The following FHOD1 variants were observed in gnomAD, a reference collection of about 807,000 sequenced individuals.
The protein encoded by FHOD1 is formin homology 2 domain containing 1.
In FHOD1, 89 loss-of-function variants were observed where a neutral mutation model predicts 111.6. That is an observed-to-expected ratio of 0.80 (90% CI 0.67 to 0.95). The LOEUF (loss-of-function observed/expected upper bound fraction) is 0.95, where lower values mean the gene tolerates loss of function less well. Among genes scored for constraint, FHOD1 ranks in the 40% least tolerant of loss-of-function variants. The pLI is 0.00. For missense variants in FHOD1, 1,446 were observed against 1,554.2 expected (o/e 0.93, Z 1.17); for synonymous variants, 618 against 639.0 (o/e 0.97, Z 0.50).
intron 1 of FHOD1, among the ~76,000 whole-genome samples, chr16:67,245,079 T>C (rs2034773333): frequency 6.6e-6 from 1 of 152,194 alleles, no homozygotes. Flanking sequence ...ATAGTTTATA[T>C]TTGGGTTGAG....
At position 67,231,410 on chromosome 16, in the gene FHOD1, CCCCAT is replaced by C; in HGVS notation, c.2505+15_2505+19del. 1 of 1,613,640 alleles carries C rather than the reference CCCCAT, an allele frequency of 6.2e-7. No individual in the cohort carries two copies. Among genetic ancestry groups the C allele is most frequent in the Non-Finnish European group, 8.5e-7 (1 of 1,179,910 alleles). The stretch of plus-strand genomic sequence containing the variant: ...CTCCAGAACCCTGACTCCCCCTAGT[CCCCAT>C]GTACTCTCACTCACCTGGGAGCCAT... On this transcript the variant is annotated intron_variant, in intron 16 of 21. Transcript: ENST00000258201. The surrounding 1 kb of genome is among the most constrained non-coding windows in gnomAD (Gnocchi z 4.3).
At position 67,231,709 on chromosome 16, in the gene FHOD1, A is replaced by G. The variant is rs202207176; in HGVS notation, c.2313T>C (p.Leu771=). Residue 771 remains leucine, a synonymous_variant, in exon 15 of 22, where the codon CTT becomes CTC. Coordinates refer to ENST00000258201, the MANE Select transcript of FHOD1 (RefSeq NM_013241.3). The surrounding 1 kb of genome is among the most constrained non-coding windows in gnomAD (Gnocchi z 4.3). ...LGPAENFLMT[L]ASIGGLAARL... The stretch of plus-strand genomic sequence containing the variant: ...GAGCAGCGAGGCCGCCAATGGAGGC[A>G]AGAGTCATCAGGAAGTTCTCGGCTG... 8.7e-6 allele frequency: 14 copies of G among 1,614,066 alleles called. No individual in the cohort carries two copies. Among genetic ancestry groups the G allele is most frequent in the Non-Finnish European group, 4.2e-6 (5 of 1,180,030 alleles).
chr16:67,229,627 A>G lies in FHOD1; in HGVS notation c.*9T>C. 5 of 1,613,210 alleles carry G rather than the reference A, an allele frequency of 3.1e-6. No individual in the cohort carries two copies. The highest frequency in any genetic ancestry group is 1.7e-4 in the Middle Eastern group (1 of 6,056). ...CAGGGTCCAGATAGATTTCCGGGAT[A>G]CAGCACCTTCACACCTCCAGGCCAG... On this transcript the variant is annotated 3_prime_UTR_variant, in exon 22 of 22. Transcript: ENST00000258201.
rs766111727 is a variant in FHOD1 at position 67,231,178 on chromosome 16, A to G, written c.2667+10T>C. 5.6e-6 allele frequency: 9 copies of G among 1,613,652 alleles called. No individual in the cohort carries two copies. The highest frequency in any genetic ancestry group is 2.2e-5 in the South Asian group (2 of 91,040). On this transcript the variant is annotated intron_variant, in intron 17 of 21. Transcript: ENST00000258201. The surrounding 1 kb of genome is among the most constrained non-coding windows in gnomAD (Gnocchi z 4.3). ...TTGTCCGGCCTTGGTTGATTCTGGC[A>G]GGTGCTAACCTTGGCACAGCGGGTC...
At position 67,237,445 on chromosome 16, in the gene FHOD1, C is replaced by T. The variant is rs1250472423; in HGVS notation, c.849+30G>A. 1 of 1,614,110 alleles carries T rather than the reference C, an allele frequency of 6.2e-7. No individual in the cohort carries two copies. Among genetic ancestry groups the T allele is most frequent in the East Asian group, 2.2e-5 (1 of 44,864 alleles). On this transcript the variant is annotated intron_variant, in intron 8 of 21. Transcript: ENST00000258201. This position sits in a 1 kb window ranked among gnomAD's most constrained non-coding sequence, Gnocchi z 5.6. The stretch of plus-strand genomic sequence containing the variant: ...TGGGGAGGTCAGGAGCCTGAGCATC[C>T]CAGAGCTGGCACCCAGTCCTTGGCC...
At chr16:67,232,905 A>G (rs749151358) in intron 13 of FHOD1, among the ~76,000 whole-genome samples, 17 of 151,156 alleles carry the variant, frequency 1.1e-4, no homozygotes, top group Non-Finnish European at 2.2e-4. Flanking sequence ...TGCAGGCATG[A>G]GCCACCACGC....
At position 67,229,522 on chromosome 16, in the gene FHOD1, C is replaced by T. The variant is rs2034160753; in HGVS notation, c.*114G>A. 8.8e-6 allele frequency: 8 copies of T among 909,888 alleles called. No homozygotes were observed. The highest frequency in any genetic ancestry group is 1.6e-5 in the African/African-American group (1 of 61,614). 56.4% of individuals were successfully genotyped at this position (909,888 alleles called of 1,614,324 possible). A position where few individuals can be genotyped will look rare whatever the true frequency, so the allele number is the denominator to read the frequency against. ...CACACACGGCTAATACTGCTCAAGG[C>T]ATGGCTCCTGGGCACAGAGTTCTGG... On this transcript the variant is annotated 3_prime_UTR_variant, in exon 22 of 22. Transcript: ENST00000258201.
rs766464548 is a variant in FHOD1, at chr16:67,237,284, A to G, written c.948T>C (p.Thr316=). The part of the protein sequence containing the change: ...MEALVQRHLG[T]AGTDVDLRTQ... ...TGCGCAGGTCGACGTCAGTGCCCGC[A>G]GTGCCCAGGTGGCGCTGGACCAGCG... is the stretch of plus-strand genomic sequence containing the variant. Residue 316 remains threonine, a synonymous_variant, in exon 9 of 22, where the codon ACT becomes ACC. Transcript: ENST00000258201. The surrounding 1 kb of genome is among the most constrained non-coding windows in gnomAD (Gnocchi z 5.6). 1.9e-6 allele frequency: 3 copies of G among 1,613,990 alleles called. No individual in the cohort carries two copies. Among genetic ancestry groups the G allele is most frequent in the East Asian group, 2.2e-5 (1 of 44,874 alleles).
chr16:67,246,461 A>C (rs999630392), intron 1 of FHOD1, among the ~76,000 whole-genome samples: 9 of 152,098 alleles, frequency 5.9e-5, no homozygotes, highest in Non-Finnish European at 1.2e-4. Context: ...CTCTTTCCGC[A>C]CTGTGCACAA....
chr16:67,239,053 T>A, intron 2 of FHOD1, 86 bp from the exon 3 acceptor site: 1 of 1,323,840 alleles, frequency 7.6e-7, no homozygotes, highest in South Asian at 1.2e-5. Context: ...GACCTCCCCA[T>A]GCCAGCCCCA....
At chr16:67,234,619 A>C (rs1597321754) in intron 11 of FHOD1, 147 bp from the exon 12 acceptor site, 39 of 605,014 alleles carry the variant, frequency 6.4e-5, no homozygotes, top group South Asian at 4.4e-4. Context: ...CCAGAACCAC[A>C]CCCCCCCCAA....
Position 67,231,190 on chromosome 16 carries a change from T to A in FHOD1, c.2665A>T (p.Lys889Ter), listed in dbSNP as rs1329368084. 1 of 1,614,060 alleles carries A rather than the reference T, an allele frequency of 6.2e-7. No homozygotes were observed. Among genetic ancestry groups the A allele is most frequent in the Admixed American group, 1.7e-5 (1 of 60,016 alleles). Residue 889 changes from lysine to a stop codon, truncating the protein, a stop_gained and splice_region_variant, in exon 17 of 22, where the codon AAG becomes TAG. Coordinates refer to ENST00000258201, the MANE Select transcript of FHOD1 (RefSeq NM_013241.3). LOFTEE classifies it high-confidence loss of function. The surrounding 1 kb of genome is among the most constrained non-coding windows in gnomAD (Gnocchi z 4.3). The stretch of plus-strand genomic sequence containing the variant: ...GGTTGATTCTGGCAGGTGCTAACCT[T>A]GGCACAGCGGGTCAGGGCAGGGATT... ...SEIPALTRCA[K>*]VDFEQLTENL...
rs769576846 is a variant in FHOD1, at chr16:67,231,430, C to T, written c.2505G>A (p.Gln835=). The stretch of plus-strand genomic sequence containing the variant: ...CTAGTCCCCATGTACTCTCACTCAC[C>T]TGGGAGCCATTGAGGAAGTTGCCCA... ...LAVGNFLNGS[Q]SSGFELSYLE... Residue 835 remains glutamine (Q), a splice_region_variant and synonymous_variant, in exon 16 of 22, where the codon CAG becomes CAA. Coordinates refer to ENST00000258201, the MANE Select transcript of FHOD1 (RefSeq NM_013241.3). This position sits in a 1 kb window ranked among gnomAD's most constrained non-coding sequence, Gnocchi z 4.3. 14 of 1,614,186 alleles carry T rather than the reference C, an allele frequency of 8.7e-6. No homozygotes were observed. The highest frequency in any genetic ancestry group is 1.2e-5 in the Non-Finnish European group (14 of 1,180,022).
intron 11 of FHOD1, 182 bp from the exon 12 acceptor site, chr16:67,234,654 C>T (rs576686758): frequency 1.8e-5 from 10 of 559,300 alleles, no homozygotes; most frequent in Non-Finnish European, 2.6e-5. Flanking sequence ...CAGTCCTCCA[C>T]ATCTGGGGAG....
In FHOD1 at chr16:67,234,174, C is replaced by T; in HGVS notation, c.1529G>A (p.Ser510Asn). The T allele has an allele frequency of 6.4e-7, 1 of 1,553,320 alleles. No homozygotes were observed. The highest frequency in any genetic ancestry group is 1.2e-5 in the South Asian group (1 of 80,950). Residue 510 changes from serine to asparagine, a missense_variant, in exon 13 of 22, where the codon AGC becomes AAC. Transcript: ENST00000258201. ...TGGCTCCTTGGGCTCTGGTGCAAGG[C>T]TTCGCTGGGCCCGGAGCAGGACACA... ...APCVLLRAQRSLAPEPKEPLI... is the reference protein window; with the variant it reads ...APCVLLRAQRNLAPEPKEPLI...
At position 67,237,390 on chromosome 16, in the gene FHOD1, G is replaced by A; in HGVS notation, c.850-8C>T. 6.2e-7 allele frequency: 1 copy of A among 1,613,800 alleles called. No homozygotes were observed. The highest frequency in any genetic ancestry group is 8.5e-7 in the Non-Finnish European group (1 of 1,179,700). ...CGGGAGCGCCGCCAGCGTCTGGAGG[G>A]CGGGGATAAGAAGGCAAGGCTGAGG... On this transcript the variant is annotated splice_polypyrimidine_tract_variant and splice_region_variant and intron_variant, in intron 8 of 21. Coordinates refer to ENST00000258201, the MANE Select transcript of FHOD1 (RefSeq NM_013241.3). This position sits in a 1 kb window ranked among gnomAD's most constrained non-coding sequence, Gnocchi z 5.6.
intron 11 of FHOD1, 75 bp downstream of exon 11, chr16:67,236,482 G>A (rs754546948): frequency 7.7e-6 from 12 of 1,564,682 alleles, no homozygotes; most frequent in Non-Finnish European, 1.0e-5. Context: ...AGGAGGCTGA[G>A]TGCCCATGGA....
chr16:67,231,453 C>T lies in FHOD1; in HGVS notation c.2482G>A (p.Gly828Ser). Residue 828 changes from glycine to serine, a missense_variant, in exon 16 of 22, where the codon GGC becomes AGC. Coordinates refer to ENST00000258201, the MANE Select transcript of FHOD1 (RefSeq NM_013241.3). The surrounding 1 kb of genome is among the most constrained non-coding windows in gnomAD (Gnocchi z 4.3). ...ACCTGGGAGCCATTGAGGAAGTTGC[C>T]CACCGCTAGGAGGGTAGCCAGGATG... ...RCILATLLAV[G>S]NFLNGSQSSG... The T allele has an allele frequency of 1.9e-6, 3 of 1,614,120 alleles. No homozygotes were observed.
intron 1 of FHOD1, among the ~76,000 whole-genome samples, chr16:67,245,191 T>G (rs1470125097): frequency 6.6e-6 from 1 of 151,994 alleles, no homozygotes; most frequent in Non-Finnish European, 1.5e-5. Flanking sequence ...CATATCCCTG[T>G]GGGGGAGGGA....
Sources: gnomAD v4.1 joint callset for allele counts (sites outside exome capture counted in the v4.1 genomes callset) on GRCh38, gnomAD v4.1.1 for gene constraint, Gnocchi (gnomAD v3.1) non-coding constraint, MANE v1.5 for transcripts, NCBI Gene and HGNC (gene_info 2026-07-23, HGNC 2026-07-21) for gene names.